SGMS1: variants seen among roughly 807,000 people sequenced by gnomAD.
The protein encoded by SGMS1 is sphingomyelin synthase 1.
SGMS1 carries 13 observed loss-of-function variants against 46.2 expected under a neutral mutation model. The observed-to-expected ratio is 0.28, with a 90% CI of 0.18 to 0.45. SGMS1 has a LOEUF of 0.45. Among genes scored for constraint, SGMS1 ranks in the 20% least tolerant of loss-of-function variants. The pLI is 1.00. For synonymous variants in SGMS1, 203 were observed against 187.8 expected (o/e 1.08, Z -0.66); for missense variants, 324 against 519.9 (o/e 0.62, Z 3.66).
At chr10:50,426,865 A>G (rs1160829024) in intron 6 of SGMS1, among the ~76,000 whole-genome samples, 1 of 152,230 alleles carries the variant, frequency 6.6e-6, no homozygotes, top group Non-Finnish European at 1.5e-5. Flanking sequence ...AGGTAGTAAG[A>G]CACGGAGATC....
intron 3 of SGMS1, among the ~76,000 whole-genome samples, chr10:50,481,624 A>G (rs902059354): frequency 3.9e-4 from 59 of 152,334 alleles, no homozygotes; most frequent in African/African-American, 1.2e-3. Flanking sequence ...TTCTCTTCCA[A>G]ATGATCACAA....
At chr10:50,596,495 A>G (rs1031716770) in intron 1 of SGMS1, among the ~76,000 whole-genome samples, 1 of 152,132 alleles carries the variant, frequency 6.6e-6, no homozygotes, top group Non-Finnish European at 1.5e-5. Context: ...TTTTTTACTA[A>G]TATGATAGCT....
chr10:50,503,066 AC>A (rs1464427200), intron 3 of SGMS1, among the ~76,000 whole-genome samples: 1 of 152,208 alleles, frequency 6.6e-6, no homozygotes, highest in Admixed American at 6.5e-5. Flanking sequence ...CATGGGAAGA[AC>A]CACCTTAACT....
At chr10:50,421,801 T>C (rs1849258297) in intron 6 of SGMS1, among the ~76,000 whole-genome samples, 1 of 152,076 alleles carries the variant, frequency 6.6e-6, no homozygotes, top group East Asian at 1.9e-4. Context: ...TTTCACATTG[T>C]AGTTGGGAGC....
intron 2 of SGMS1, among the ~76,000 whole-genome samples, chr10:50,545,896 T>C (rs150047324): frequency 1.1e-3 from 162 of 152,318 alleles, no homozygotes; most frequent in Middle Eastern, 6.8e-3. Context: ...TAGGTCATAA[T>C]AAATGATTAT....
chr10:50,515,847 G>A (rs959320220), intron 3 of SGMS1, among the ~76,000 whole-genome samples: 3 of 152,140 alleles, frequency 2.0e-5, no homozygotes, highest in Non-Finnish European at 4.4e-5. Context: ...GCAAGGAAAA[G>A]CTACACAATT....
intron 6 of SGMS1, among the ~76,000 whole-genome samples, chr10:50,381,049 G>C (rs1345601511): frequency 6.9e-6 from 1 of 144,334 alleles, no homozygotes; most frequent in Non-Finnish European, 1.5e-5. Flanking sequence ...GGCTACTCTT[G>C]AACTCCTGCA....
intron 3 of SGMS1, among the ~76,000 whole-genome samples, chr10:50,504,593 G>A (rs76856456): frequency 0.011 from 1,672 of 152,290 alleles, 33 homozygotes; most frequent in African/African-American, 0.038. Context: ...ATGGGAAGAT[G>A]GGGTAATAGG....
intron 6 of SGMS1, among the ~76,000 whole-genome samples, chr10:50,427,943 G>A (rs1165651665): frequency 6.6e-6 from 1 of 152,044 alleles, no homozygotes; most frequent in Non-Finnish European, 1.5e-5. Context: ...TATCCCTCGA[G>A]ATAAAAAGGA....
intron 3 of SGMS1, among the ~76,000 whole-genome samples, chr10:50,473,782 C>T (rs1015352953): frequency 6.6e-6 from 1 of 152,172 alleles, no homozygotes; most frequent in Non-Finnish European, 1.5e-5. Flanking sequence ...AGTTGTCTTT[C>T]GATTGCCATC....
chr10:50,579,872 T>C (rs1020618324), intron 2 of SGMS1, among the ~76,000 whole-genome samples: 1 of 152,174 alleles, frequency 6.6e-6, no homozygotes, highest in Non-Finnish European at 1.5e-5. Flanking sequence ...CAAGATGTGG[T>C]ACACAGCAGG....
At chr10:50,611,872 A>AC (rs934445814) in intron 1 of SGMS1, among the ~76,000 whole-genome samples, 12 of 151,310 alleles carry the variant, frequency 7.9e-5, no homozygotes, top group Non-Finnish European at 1.3e-4. Flanking sequence ...ACACACTGGC[A>AC]CCCCCCATCC....
intron 6 of SGMS1, among the ~76,000 whole-genome samples, chr10:50,355,664 G>C (rs780601631): frequency 5.9e-5 from 9 of 152,242 alleles, no homozygotes; most frequent in Non-Finnish European, 1.2e-4. Context: ...CTCCCAAAGT[G>C]CAGAGATTGC....
intron 5 of SGMS1, among the ~76,000 whole-genome samples, chr10:50,448,720 A>ACT (rs200753191): frequency 0.076 from 11,048 of 145,174 alleles, 1,089 homozygotes; most frequent in East Asian, 0.37. Flanking sequence ...CTCCAGCCTG[A>ACT]GCAACAAGAG....
intron 7 of SGMS1, among the ~76,000 whole-genome samples, chr10:50,338,317 C>T (rs1847751218): frequency 6.6e-6 from 1 of 152,198 alleles, no homozygotes; most frequent in Non-Finnish European, 1.5e-5. Flanking sequence ...CACCAACTGA[C>T]TAATATACCC....
intron 1 of SGMS1, among the ~76,000 whole-genome samples, chr10:50,598,327 G>A (rs1204063317): frequency 6.6e-6 from 1 of 152,144 alleles, no homozygotes; most frequent in East Asian, 1.9e-4. Flanking sequence ...TGGCACCCTC[G>A]GACTTCAAGT....
At position 50,421,626 on chromosome 10, in the gene SGMS1, A is replaced by G. The variant is rs151255100; in HGVS notation, c.-232+11850T>C. ...GCACCTGCTTGCTTTAAACCTACCA[A>G]TTAAAGCTCCCCTTAGGAAACATAT... On this transcript the variant is annotated intron_variant, in intron 6 of 10. Coordinates refer to ENST00000361781, the MANE Select transcript of SGMS1 (RefSeq NM_147156.4). Among the ~76,000 whole-genome samples the G allele has an allele frequency of 5.3e-5, 8 of 152,252 alleles. No homozygotes were observed. In the East Asian group the frequency reaches 1.2e-3, roughly 22 times the overall value.
At chr10:50,527,512 T>A (rs1837914618) in intron 2 of SGMS1, among the ~76,000 whole-genome samples, 1 of 152,222 alleles carries the variant, frequency 6.6e-6, no homozygotes, top group Non-Finnish European at 1.5e-5. Context: ...GAGCTGAGAT[T>A]CAGCTCCTGG....
chr10:50,406,398 A>G (rs1425776452), intron 6 of SGMS1, among the ~76,000 whole-genome samples: 1 of 152,148 alleles, frequency 6.6e-6, no homozygotes, highest in Admixed American at 6.5e-5. Flanking sequence ...CCGCCCATGA[A>G]TAGCTTTCCC....
Sources: gnomAD v4.1 joint callset for allele counts (sites outside exome capture counted in the v4.1 genomes callset) on GRCh38, gnomAD v4.1.1 for gene constraint, MANE v1.5 for transcripts, NCBI Gene and HGNC (gene_info 2026-07-23, HGNC 2026-07-21) for gene names.